Variants in NGEF observed in about 807,000 individuals in gnomAD.
The protein encoded by NGEF is neuronal guanine nucleotide exchange factor.
A neutral mutation model predicts 80.9 loss-of-function variants in NGEF; 31 were observed. The ratio of observed to expected loss-of-function variants is 0.38; its 90% confidence interval spans 0.29 to 0.52. The LOEUF is 0.52. Ranked by LOEUF, NGEF falls within the 20% of genes least tolerant of loss-of-function variation. The pLI, the probability that NGEF is intolerant of heterozygous loss-of-function variation, is 0.84. For synonymous variants in NGEF, 371 were observed against 370.2 expected, an observed-to-expected ratio of 1.00 and a Z score of -0.03; for missense variants, 709 against 926.2, an observed-to-expected ratio of 0.77 and a Z score of 3.04.
chr2:232,964,440 C>T (rs1423718580), intron 3 of NGEF, among the ~76,000 whole-genome samples: 1 of 152,014 alleles, frequency 6.6e-6, no homozygotes, highest in East Asian at 1.9e-4. Context: ...CACCTGTAAT[C>T]CCAACATTTT....
chr2:232,982,624 C>T (rs1203754579), intron 1 of NGEF, among the ~76,000 whole-genome samples: 1 of 152,218 alleles, frequency 6.6e-6, no homozygotes, highest in Non-Finnish European at 1.5e-5. Context: ...AGCGATTCTC[C>T]TGCCTCTGCC....
Position 232,894,927 on chromosome 2 carries a change from G to A in NGEF, c.829-11C>T, listed in dbSNP as rs1162536315. 7 of 1,566,172 alleles carry A rather than the reference G, an allele frequency of 4.5e-6. No individual in the cohort carries two copies. The highest frequency in any genetic ancestry group is 6.1e-6 in the Non-Finnish European group (7 of 1,143,008). On this transcript the variant is annotated splice_polypyrimidine_tract_variant and intron_variant, in intron 5 of 14. Transcript: ENST00000264051. ...CAGCTCGAACATGGCCTGTAGCAGG[G>A]AGACCCCATGGTTACCGCCTGAAGT...
intron 6 of NGEF, among the ~76,000 whole-genome samples, chr2:232,893,760 A>G: frequency 6.6e-6 from 1 of 152,134 alleles, no homozygotes. Context: ...GGGCAAAAAG[A>G]GTGAAACTCT....
At chr2:232,900,774 A>AGAGT (rs1559200381) in intron 5 of NGEF, among the ~76,000 whole-genome samples, 1 of 142,158 alleles carries the variant, frequency 7.0e-6, no homozygotes, top group South Asian at 2.1e-4. Flanking sequence ...ACACGCTCTC[A>AGAGT]CACTCATGCA....
Position 232,881,189 on chromosome 2 carries a change from C to T in NGEF, c.1899G>A (p.Leu633=). Residue 633 remains leucine (L), a synonymous_variant, in exon 14 of 15, where the codon CTG becomes CTA. Transcript: ENST00000264051. ...YVAQQPDELT[L]ELADILNILD... is the part of the protein sequence containing the mutation. The stretch of plus-strand genomic sequence containing the variant: ...GGATGTTGAGGATGTCGGCGAGCTC[C>T]AGCGTCAGCTCGTCTGGCTGCTGAG... The T allele has an allele frequency of 6.2e-7, 1 of 1,612,150 alleles. No homozygotes were observed. The highest frequency in any genetic ancestry group is 8.5e-7 in the Non-Finnish European group (1 of 1,180,004).
intron 1 of NGEF, among the ~76,000 whole-genome samples, chr2:232,999,361 C>G (rs1694923554): frequency 6.6e-6 from 1 of 152,074 alleles, no homozygotes; most frequent in Non-Finnish European, 1.5e-5. Context: ...CTGTCAGAGC[C>G]CTCCCCTTGT....
At chr2:232,905,882 CGGGA>C (rs1692503008) in intron 5 of NGEF, 1 of 190,512 alleles carries the variant, frequency 5.2e-6, no homozygotes, top group African/African-American at 2.6e-5. Flanking sequence ...CCGCCCCGTC[CGGGA>C]GGGAGGTGGG....
intron 3 of NGEF, among the ~76,000 whole-genome samples, chr2:232,956,319 C>A (rs921301183): frequency 1.4e-4 from 21 of 152,112 alleles, no homozygotes; most frequent in African/African-American, 4.8e-4. Context: ...TTCACCACCT[C>A]CCCAGAGCCA....
At chr2:232,922,750 A>T (rs2106278982) in intron 4 of NGEF, among the ~76,000 whole-genome samples, 1 of 152,338 alleles carries the variant, frequency 6.6e-6, no homozygotes, top group East Asian at 1.9e-4. Flanking sequence ...TAGGTACTCA[A>T]CTACTTGTTG....
chr2:232,913,870 A>C (rs1692739359), intron 5 of NGEF, among the ~76,000 whole-genome samples: 1 of 152,222 alleles, frequency 6.6e-6, no homozygotes, highest in Non-Finnish European at 1.5e-5. Flanking sequence ...CAGTGAGCCG[A>C]GATCCTGCCA....
At chr2:232,964,761 G>A (rs975453507) in intron 3 of NGEF, among the ~76,000 whole-genome samples, 2 of 152,192 alleles carry the variant, frequency 1.3e-5, no homozygotes, top group Non-Finnish European at 2.9e-5. Context: ...AAAATATTAT[G>A]TTGAGCAACA....
At chr2:232,894,555 G>A (rs570710145) in intron 6 of NGEF, 71 of 467,924 alleles carry the variant, frequency 1.5e-4, no homozygotes, top group Non-Finnish European at 2.3e-4. Context: ...AAGGGACGCC[G>A]GGGGACGTGA....
intron 3 of NGEF, among the ~76,000 whole-genome samples, chr2:232,952,193 T>G (rs537471999): frequency 1.3e-5 from 2 of 152,222 alleles, no homozygotes; most frequent in African/African-American, 2.4e-5. Context: ...ATATAAAGCC[T>G]GAGTAATATC....
intron 5 of NGEF, among the ~76,000 whole-genome samples, chr2:232,915,624 C>T (rs747959782): frequency 2.6e-5 from 4 of 152,146 alleles, no homozygotes; most frequent in Admixed American, 1.3e-4. Context: ...CCTGCTGGGT[C>T]CCACTCCTGT....
chr2:232,894,694 A>C (rs1692000854), intron 6 of NGEF, 62 bp downstream of exon 6: 1 of 1,436,234 alleles, frequency 7.0e-7, no homozygotes, highest in East Asian at 2.3e-5. Context: ...TCAGTGTCTC[A>C]AGCATGTGCC....
In NGEF at chr2:232,935,719, G is replaced by A. The variant is rs114602841; in HGVS notation, c.384-8533C>T. Among the ~76,000 whole-genome samples, 697 of 152,288 alleles carry A rather than the reference G, an allele frequency of 4.6e-3. 5 individuals carry two copies. The highest frequency in any genetic ancestry group is 0.015 in the African/African-American group (635 of 41,550). ...ACTATATTGTAGAAAATAAGGAACAGCACATTGCTATTCACTTATTCTATT... is the reference window on the plus strand; with the variant it reads ...ACTATATTGTAGAAAATAAGGAACAACACATTGCTATTCACTTATTCTATT... On this transcript the variant is annotated intron_variant, in intron 3 of 14. Transcript: ENST00000264051.
At chr2:232,919,342 C>T (rs545461999) in intron 5 of NGEF, among the ~76,000 whole-genome samples, 40 of 152,218 alleles carry the variant, frequency 2.6e-4, no homozygotes, top group Middle Eastern at 3.4e-3. Context: ...CTTGGACAAG[C>T]GCGAGGAATG....
At chr2:232,882,108 G>A in intron 13 of NGEF, 78 bp downstream of exon 13, 2 of 1,338,156 alleles carry the variant, frequency 1.5e-6, no homozygotes, top group Non-Finnish European at 2.1e-6. Context: ...CCTCCAGGCA[G>A]GGCACACCGT....
Position 232,956,565 on chromosome 2 carries a change from G to A in NGEF, c.383+13649C>T, listed in dbSNP as rs377032250. Among the ~76,000 whole-genome samples, 5 of 152,070 alleles carry A rather than the reference G, an allele frequency of 3.3e-5. No individual in the cohort carries two copies. The East Asian group carries it at 5.8e-4, about 18-fold the overall frequency. ...GGCGGATACCTGAGGTCAGGAGTTC[G>A]AGACCAGCCTGGCCAACATGGCGAA... is the stretch of plus-strand genomic sequence containing the variant. On this transcript the variant is annotated intron_variant, in intron 3 of 14. Transcript: ENST00000264051.
Sources: gnomAD v4.1 joint callset for allele counts (sites outside exome capture counted in the v4.1 genomes callset) on GRCh38, gnomAD v4.1.1 for gene constraint, MANE v1.5 for transcripts, NCBI Gene and HGNC (gene_info 2026-07-23, HGNC 2026-07-21) for gene names.